Variants in MMP16 observed in about 807,000 individuals in gnomAD.
The protein encoded by MMP16 is matrix metallopeptidase 16.
MMP16 carries 12 observed loss-of-function variants against 67.8 expected under a neutral mutation model. That is an observed-to-expected ratio of 0.18 (90% CI 0.11 to 0.29). The LOEUF is 0.29. MMP16 is among the 10% of genes least tolerant of loss of function. The pLI, the probability that MMP16 is intolerant of heterozygous loss-of-function variation, is 1.00. For missense variants in MMP16, 475 were observed against 765.7 expected, an observed-to-expected ratio of 0.62 and a Z score of 4.48; for synonymous variants, 249 against 255.9, an observed-to-expected ratio of 0.97 and a Z score of 0.26.
intron 1 of MMP16, among the ~76,000 whole-genome samples, chr8:88,229,319 G>GA (rs1248912806): frequency 4.6e-5 from 7 of 152,042 alleles, no homozygotes; most frequent in African/African-American, 1.7e-4. Flanking sequence ...TCTGTGAGAT[G>GA]ACCGCATTCA....
At chr8:88,076,725 G>A (rs918356300) in intron 6 of MMP16, among the ~76,000 whole-genome samples, 10 of 152,164 alleles carry the variant, frequency 6.6e-5, no homozygotes, top group Non-Finnish European at 5.9e-5. Flanking sequence ...CTAACTGGGT[G>A]TTAAAACCTT....
At chr8:88,215,310 A>T (rs568984464) in intron 1 of MMP16, among the ~76,000 whole-genome samples, 1 of 151,872 alleles carries the variant, frequency 6.6e-6, no homozygotes, top group Non-Finnish European at 1.5e-5. Flanking sequence ...TGACAGAGTG[A>T]GACTCTGTCT....
chr8:88,201,129 C>T (rs1241458960), intron 1 of MMP16, among the ~76,000 whole-genome samples: 2 of 119,320 alleles, frequency 1.7e-5, no homozygotes, highest in African/African-American at 6.5e-5. Context: ...TAATTGCAGA[C>T]ATCCTTTCCC....
intron 6 of MMP16, among the ~76,000 whole-genome samples, chr8:88,093,156 C>A (rs570879598): frequency 4.0e-5 from 6 of 151,776 alleles, no homozygotes; most frequent in African/African-American, 1.4e-4. Context: ...AAACTTAACA[C>A]ATGTAACAAT....
At chr8:88,048,911 AG>A (rs1473387193) in intron 8 of MMP16, among the ~76,000 whole-genome samples, 17 of 152,228 alleles carry the variant, frequency 1.1e-4, no homozygotes, top group African/African-American at 3.9e-4. Context: ...TTTACCTAAC[AG>A]AGCTCTGGGG....
At chr8:88,275,567 G>T (rs1015062788) in intron 1 of MMP16, among the ~76,000 whole-genome samples, 2 of 151,512 alleles carry the variant, frequency 1.3e-5, no homozygotes, top group Non-Finnish European at 3.0e-5. Flanking sequence ...AATATTCATA[G>T]TTACAGTAAC....
At chr8:88,070,267 A>C (rs1808529962) in intron 7 of MMP16, among the ~76,000 whole-genome samples, 1 of 152,018 alleles carries the variant, frequency 6.6e-6, no homozygotes, top group Non-Finnish European at 1.5e-5. Flanking sequence ...TAGGACTCTT[A>C]TTTGGAAACC....
At chr8:88,100,941 CA>C (rs1193564752) in intron 6 of MMP16, among the ~76,000 whole-genome samples, 6 of 144,692 alleles carry the variant, frequency 4.1e-5, no homozygotes, top group Non-Finnish European at 8.9e-5. Context: ...AACACTTGGA[CA>C]CAGGAAGGGG....
chr8:88,304,434 G>T (rs1271986290), intron 1 of MMP16, among the ~76,000 whole-genome samples: 1 of 152,060 alleles, frequency 6.6e-6, no homozygotes, highest in Admixed American at 6.6e-5. Flanking sequence ...TCAAATTCAG[G>T]AACTGCAGAG....
intron 6 of MMP16, among the ~76,000 whole-genome samples, chr8:88,101,440 A>G (rs568303249): frequency 6.6e-6 from 1 of 152,026 alleles, no homozygotes; most frequent in Non-Finnish European, 1.5e-5. Context: ...GGCTATCTCT[A>G]TTCAAGAGAT....
At chr8:88,131,322 CT>C (rs1389751580) in intron 4 of MMP16, among the ~76,000 whole-genome samples, 2 of 150,730 alleles carry the variant, frequency 1.3e-5, no homozygotes, top group African/African-American at 4.9e-5. Flanking sequence ...ATCACCTAAA[CT>C]AACGTAAAAG....
intron 1 of MMP16, among the ~76,000 whole-genome samples, chr8:88,323,820 A>G (rs1456063712): frequency 1.3e-5 from 2 of 151,960 alleles, no homozygotes; most frequent in African/African-American, 2.4e-5. Flanking sequence ...GAAAATCCCT[A>G]TATGAGATAG....
chr8:88,116,777 T>C, intron 5 of MMP16, 59 bp from the exon 6 acceptor site: 1 of 1,436,496 alleles, frequency 7.0e-7, no homozygotes, highest in Non-Finnish European at 9.7e-7. Flanking sequence ...AGCTGGAAAA[T>C]ATGCTACAGA....
chr8:88,079,995 G>C (rs1808718843), intron 6 of MMP16, among the ~76,000 whole-genome samples: 2 of 152,184 alleles, frequency 1.3e-5, no homozygotes, highest in Admixed American at 6.5e-5. Context: ...GATGAACTAA[G>C]ACATTCTTGT....
In MMP16 at chr8:88,058,351, G is replaced by A. The variant is rs1403017177; in HGVS notation, c.1223-2073C>T. Among the ~76,000 whole-genome samples the A allele has an allele frequency of 3.9e-5, 6 of 152,030 alleles. No homozygotes were observed. The highest frequency in any genetic ancestry group is 1.2e-4 in the African/African-American group (5 of 41,398). ...ATAAGATGACCCATCAAGAGTCTTT[G>A]GCAAGAATTAATTGAATCATTCACT... On this transcript the variant is annotated intron_variant, in intron 7 of 9. Coordinates refer to ENST00000286614, the MANE Select transcript of MMP16 (RefSeq NM_005941.5). The surrounding 1 kb of genome is among the most constrained non-coding windows in gnomAD (Gnocchi z 4.2).
rs564846465 is a variant in MMP16, at chr8:88,153,910, A to G, written c.709+13759T>C. Among the ~76,000 whole-genome samples the G allele has an allele frequency of 6.2e-3, 936 of 151,548 alleles. 3 individuals carry two copies. The highest frequency in any genetic ancestry group is 0.021 in the African/African-American group (850 of 41,344). ...GAGCCTCTGCACAGCAAAAGAAACT[A>G]CCATCAGAGTGAACAGGCAACCTAC... On this transcript the variant is annotated intron_variant, in intron 4 of 9. Transcript: ENST00000286614.
At chr8:88,299,898 G>A (rs902216284) in intron 1 of MMP16, among the ~76,000 whole-genome samples, 16 of 152,230 alleles carry the variant, frequency 1.1e-4, no homozygotes, top group Admixed American at 3.3e-4. Flanking sequence ...TGTCTTTCCA[G>A]ATTATATAAA....
chr8:88,279,008 G>A (rs994318308), intron 1 of MMP16, among the ~76,000 whole-genome samples: 1 of 152,084 alleles, frequency 6.6e-6, no homozygotes, highest in Admixed American at 6.5e-5. Flanking sequence ...CGGATCATGA[G>A]GTCAAGAGAT....
chr8:88,136,453 A>T (rs1808120417), intron 4 of MMP16, among the ~76,000 whole-genome samples: 1 of 151,806 alleles, frequency 6.6e-6, no homozygotes, highest in Non-Finnish European at 1.5e-5. Flanking sequence ...GATCATCATA[A>T]ATTGAAAACC....
Sources: allele counts gnomAD v4.1 joint callset (sites outside exome capture counted in the v4.1 genomes callset), GRCh38; gene constraint gnomAD v4.1.1; non-coding constraint Gnocchi (gnomAD v3.1); transcripts MANE v1.5; gene names NCBI Gene and HGNC (gene_info 2026-07-23, HGNC 2026-07-21).